Variants in TMEM245 observed in about 807,000 individuals in gnomAD.
TMEM245 encodes the protein protein CG-2.
TMEM245 carries 69 observed loss-of-function variants against 101.2 expected under a neutral mutation model. The observed-to-expected ratio is 0.68, with a 90% CI of 0.56 to 0.83. The LOEUF (loss-of-function observed/expected upper bound fraction) is 0.83, where lower values mean the gene tolerates loss of function less well. Ranked by LOEUF, TMEM245 falls within the 40% of genes least tolerant of loss-of-function variation. TMEM245 has a pLI of 0.00. For missense variants in TMEM245, 1,075 were observed against 1,092.8 expected, an observed-to-expected ratio of 0.98 and a Z score of 0.23; for synonymous variants, 537 against 449.8, an observed-to-expected ratio of 1.19 and a Z score of -2.45.
At chr9:109,115,974 A>G (rs1211141969) in intron 1 of TMEM245, among the ~76,000 whole-genome samples, 9 of 152,230 alleles carry the variant, frequency 5.9e-5, no homozygotes, top group Admixed American at 5.9e-4. Context: ...CAGCATCAAC[A>G]GTTCTCTGAA....
intron 1 of TMEM245, among the ~76,000 whole-genome samples, chr9:109,113,582 T>C (rs890932598): frequency 6.6e-6 from 1 of 152,210 alleles, no homozygotes; most frequent in African/African-American, 2.4e-5. Context: ...AGGGAACTAA[T>C]AGGCAATCAC....
At chr9:109,087,556 A>G (rs977578271) in intron 5 of TMEM245, among the ~76,000 whole-genome samples, 2 of 152,156 alleles carry the variant, frequency 1.3e-5, no homozygotes, top group Non-Finnish European at 2.9e-5. Flanking sequence ...CTGCCTATAT[A>G]TTATCTTCTT....
intron 16 of TMEM245, 39 bp from the exon 17 acceptor site, chr9:109,033,540 G>C: frequency 1.3e-6 from 2 of 1,510,784 alleles, no homozygotes; most frequent in Non-Finnish European, 1.8e-6. Flanking sequence ...ACAAAAACTG[G>C]AAAAAATCTG....
intron 9 of TMEM245, among the ~76,000 whole-genome samples, chr9:109,071,630 A>G (rs1302534806): frequency 6.6e-6 from 1 of 152,114 alleles, no homozygotes; most frequent in Non-Finnish European, 1.5e-5. Context: ...TTTTATTCTA[A>G]ATCAAGTTCA....
At chr9:109,037,920 T>G in intron 15 of TMEM245, 97 bp downstream of exon 15, 1 of 1,044,388 alleles carries the variant, frequency 9.6e-7, no homozygotes, top group South Asian at 1.8e-5. Context: ...AAAATTTAGT[T>G]TTTTAAACTT....
chr9:109,086,116 A>G, intron 6 of TMEM245, 96 bp from the exon 7 acceptor site: 1 of 1,348,670 alleles, frequency 7.4e-7, no homozygotes, highest in Non-Finnish European at 1.0e-6. Context: ...GGAAAGCATG[A>G]GAAGGAAACC....
chr9:109,090,939 A>G lies in TMEM245; in HGVS notation c.1133T>C (p.Leu378Pro). The change falls in exon 5 of 18, where the codon CTG (leucine) becomes CCG (proline). Residue 378 changes from leucine to proline, a missense_variant. Leu to Pro is a moderately conservative substitution (Grantham distance 98, BLOSUM62 -3). Around this residue, in one of 2 missense-constraint regions of TMEM245, gnomAD observed 808 missense variants for 741.5 expected, o/e 1.09. Coordinates refer to ENST00000374586, the MANE Select transcript of TMEM245 (RefSeq NM_032012.4). ...IWLNLWIVQL[L>P]PVPIAVWILK... ...ATAACGACCTGCAATCGGCACTGGC[A>G]GCAACTGCACAATCCACAGGTTCAA... 6.2e-7 allele frequency: 1 copy of G among 1,614,180 alleles called. No individual in the cohort carries two copies.
At position 109,119,443 on chromosome 9, in the gene TMEM245, C is replaced by T. The variant is rs1055146233; in HGVS notation, c.471G>A (p.Pro157=). 1 of 1,507,032 alleles carries T rather than the reference C, an allele frequency of 6.6e-7. No individual in the cohort carries two copies. The highest frequency in any genetic ancestry group is 8.8e-7 in the Non-Finnish European group (1 of 1,134,936). The allele number at this position is 1,507,032 out of a possible 1,614,324, so 93.4% of individuals were successfully genotyped here. ...RLLLLLGAGG[P]LLYGLYCLGS... ...CGAGGCAGTAGAGGCCGTACAGGAG[C>T]GGGCCGCCGGCGCCGAGCAGCAGGA... Residue 157 remains proline, a synonymous_variant, in exon 1 of 18, where the codon CCG becomes CCA. Transcript: ENST00000374586.
intron 10 of TMEM245, 86 bp from the exon 11 acceptor site, chr9:109,060,538 T>A: frequency 1.1e-6 from 1 of 922,012 alleles, no homozygotes; most frequent in Non-Finnish European, 1.7e-6. Context: ...TTACATTTGT[T>A]CCAAAGCAAA....
In TMEM245 at chr9:109,074,837, C is replaced by T. The variant is rs560804471; in HGVS notation, c.1450-1399G>A. Among the ~76,000 whole-genome samples the T allele has an allele frequency of 1.4e-4, 22 of 152,168 alleles. No individual in the cohort carries two copies. The East Asian group carries it at 3.7e-3, about 25-fold the overall frequency. On this transcript the variant is annotated intron_variant, in intron 8 of 17. Coordinates refer to ENST00000374586, the MANE Select transcript of TMEM245 (RefSeq NM_032012.4). ...TCGGGCCCCAGAAAAGTAGGAAGAACACAAAATACAAACTGCACCAAGACG... is the reference window on the plus strand; with the variant it reads ...TCGGGCCCCAGAAAAGTAGGAAGAATACAAAATACAAACTGCACCAAGACG...
chr9:109,115,365 A>G (rs1277159106), intron 1 of TMEM245, among the ~76,000 whole-genome samples: 3 of 151,950 alleles, frequency 2.0e-5, no homozygotes, highest in East Asian at 1.9e-4. Context: ...AAGAAAAAAG[A>G]AAAACATAGG....
intron 8 of TMEM245, 146 bp from the exon 9 acceptor site, chr9:109,073,584 CAA>C: frequency 1.7e-6 from 1 of 597,582 alleles, no homozygotes; most frequent in Non-Finnish European, 2.9e-6. Context: ...ACATGCAGCG[CAA>C]AGTTACTATA....
In TMEM245 at chr9:109,018,900, A is replaced by AT. The variant is rs34086900; in HGVS notation, c.*1559dup. ...ATAGCCACACCACCGTGCCCAGCTA[A>AT]TTTTTTTTTTTTTTTTTTTTTTTTT... On this transcript the variant is annotated 3_prime_UTR_variant, in exon 18 of 18. Transcript: ENST00000374586. The AT allele has an allele frequency of 0.41, 32,613 of 80,400 alleles. 6,640 individuals carry two copies. Among genetic ancestry groups the AT allele is most frequent in the Middle Eastern group, 0.54 (43 of 80 alleles). The allele number at this position is 80,400 out of a possible 1,614,324, so 5.0% of individuals were successfully genotyped here.
At chr9:109,083,915 A>AAAG (rs1829750198) in intron 7 of TMEM245, among the ~76,000 whole-genome samples, 2 of 141,634 alleles carry the variant, frequency 1.4e-5, no homozygotes, top group Non-Finnish European at 3.1e-5. Flanking sequence ...AAAAAAAAAA[A>AAAG]AAAAAAAAAA....
At chr9:109,036,505 AAAT>A in intron 15 of TMEM245, 125 bp from the exon 16 acceptor site, 1 of 924,734 alleles carries the variant, frequency 1.1e-6, no homozygotes. Context: ...TCACAAACTC[AAAT>A]ATTAGGGAAA....
chr9:109,114,231 C>T (rs1217803670), intron 1 of TMEM245, among the ~76,000 whole-genome samples: 1 of 152,198 alleles, frequency 6.6e-6, no homozygotes, highest in African/African-American at 2.4e-5. Flanking sequence ...CATATGGCAA[C>T]TTAGAGTCAA....
At position 109,119,261 on chromosome 9, in the gene TMEM245, G is replaced by T. The variant is rs554285904; in HGVS notation, c.579+74C>A. The T allele has an allele frequency of 1.5e-5, 21 of 1,399,308 alleles. 1 individual carries two copies. The South Asian group carries it at 2.4e-4, about 16-fold the overall frequency. The allele number at this position is 1,399,308 out of a possible 1,614,324, so 86.7% of individuals were successfully genotyped here. ...CCCCTCGTCGCCCCTGCACCGGGAG[G>T]AACAGCTGCAGGATTGCACCCCAGA... is the stretch of plus-strand genomic sequence containing the variant. On this transcript the variant is annotated intron_variant, in intron 1 of 17. Coordinates refer to ENST00000374586, the MANE Select transcript of TMEM245 (RefSeq NM_032012.4).
intron 12 of TMEM245, among the ~76,000 whole-genome samples, chr9:109,056,913 T>G (rs1190305727): frequency 6.6e-6 from 1 of 152,160 alleles, no homozygotes; most frequent in East Asian, 1.9e-4. Flanking sequence ...GTCAAGGGTC[T>G]TCGCACAACA....
Position 109,108,435 on chromosome 9 carries a change from A to AG in TMEM245, c.697+17_697+18insC. 1.4e-6 allele frequency: 2 copies of AG among 1,433,558 alleles called. No homozygotes were observed. Among genetic ancestry groups the AG allele is most frequent in the Non-Finnish European group, 1.9e-6 (2 of 1,067,074 alleles). The allele number at this position is 1,433,558 out of a possible 1,614,324, so 88.8% of individuals were successfully genotyped here. ...AGGCTAGACTTAAAAAAAAAAAAAA[A>AG]AAAAAGAAGGAACCCACCTAAATGA... On this transcript the variant is annotated intron_variant, in intron 2 of 17. Transcript: ENST00000374586.
Sources: gnomAD v4.1 joint callset for allele counts (sites outside exome capture counted in the v4.1 genomes callset) on GRCh38, gnomAD v4.1.1 for gene constraint, gnomAD v4.1.1 regional missense constraint, MANE v1.5 for transcripts, NCBI Gene and HGNC (gene_info 2026-07-23, HGNC 2026-07-21) for gene names.